Variants in RANBP2 observed in about 807,000 individuals in gnomAD.
RANBP2 encodes the protein RAN binding protein 2.
In RANBP2, 57 loss-of-function variants were observed where a neutral mutation model predicts 303.6. The observed-to-expected ratio is 0.19, with a 90% confidence interval of 0.15 to 0.23. The LOEUF is 0.23. Among genes scored for constraint, RANBP2 ranks in the 10% least tolerant of loss-of-function variants. The pLI is 1.00. For missense variants in RANBP2, 3,138 were observed against 3,780.8 expected (o/e 0.83, Z 4.46); for synonymous variants, 1,167 against 1,301.5 (o/e 0.90, Z 2.23).
chr2:109,609,437 A>G, the RANBP2 span, among the ~76,000 whole-genome samples: 3 of 152,134 alleles, frequency 2.0e-5, no homozygotes, highest in Non-Finnish European at 4.4e-5. Flanking sequence ...ACAAAAACAT[A>G]AATTAGGAGG....
chr2:109,335,245 C>G, the RANBP2 span, among the ~76,000 whole-genome samples: 1 of 152,236 alleles, frequency 6.6e-6, no homozygotes, highest in Non-Finnish European at 1.5e-5. Context: ...TGGGGCAAGG[C>G]CCCTCGCCCG....
chr2:109,130,785 G>A, the RANBP2 span, among the ~76,000 whole-genome samples: 1 of 152,018 alleles, frequency 6.6e-6, no homozygotes, highest in Non-Finnish European at 1.5e-5. Flanking sequence ...ATTATTTTTG[G>A]TACAGCCGCA....
the RANBP2 span, among the ~76,000 whole-genome samples, chr2:109,405,915 C>T: frequency 2.6e-5 from 4 of 152,246 alleles, no homozygotes; most frequent in Non-Finnish European, 5.9e-5. Flanking sequence ...AAGACAGCAC[C>T]GGCAGCATTC....
chr2:109,251,567 C>T, the RANBP2 span: 32 of 819,558 alleles, frequency 3.9e-5, no homozygotes, highest in Middle Eastern at 7.0e-4. Flanking sequence ...GTGGAGATGG[C>T]GACTGGTGGG....
intron 1 of RANBP2, among the ~76,000 whole-genome samples, chr2:108,726,388 C>CAG (rs1479706938): frequency 1.3e-5 from 2 of 150,656 alleles, no homozygotes; most frequent in African/African-American, 4.9e-5. Flanking sequence ...TTCACATATG[C>CAG]AGAGAGAAGC....
the RANBP2 span, among the ~76,000 whole-genome samples, chr2:109,304,301 T>A: frequency 6.6e-6 from 1 of 152,134 alleles, no homozygotes; most frequent in African/African-American, 2.4e-5. Context: ...TCTAGGAGAT[T>A]GACTTTTTAG....
chr2:109,635,254 C>T, the RANBP2 span, among the ~76,000 whole-genome samples: 1 of 152,310 alleles, frequency 6.6e-6, no homozygotes, highest in South Asian at 2.1e-4. Context: ...ACCATCTTGG[C>T]TCACTGCAAC....
chr2:109,390,248 C>T, the RANBP2 span, among the ~76,000 whole-genome samples: 1 of 152,150 alleles, frequency 6.6e-6, no homozygotes, highest in Non-Finnish European at 1.5e-5. Flanking sequence ...CCATAAACTA[C>T]CAGTTTATCT....
the RANBP2 span, among the ~76,000 whole-genome samples, chr2:109,108,386 T>C: frequency 6.6e-6 from 1 of 152,188 alleles, no homozygotes; most frequent in Non-Finnish European, 1.5e-5. Flanking sequence ...TATATTTAGG[T>C]GAACACATAG....
the RANBP2 span, chr2:108,791,884 A>G: frequency 2.2e-6 from 3 of 1,338,532 alleles, no homozygotes; most frequent in African/African-American, 1.5e-5. Flanking sequence ...TAGTAATAAC[A>G]CTGGCCCCCA....
At chr2:109,660,175 C>T in the RANBP2 span, among the ~76,000 whole-genome samples, 3 of 152,318 alleles carry the variant, frequency 2.0e-5, no homozygotes, top group African/African-American at 7.2e-5. Context: ...TCTGATTTTT[C>T]CCTTCCTGCA....
chr2:109,092,666 C>G, the RANBP2 span, among the ~76,000 whole-genome samples: 1 of 152,140 alleles, frequency 6.6e-6, no homozygotes, highest in African/African-American at 2.4e-5. Context: ...ACCTGGAAAC[C>G]TGGTATGCCA....
At position 108,758,703 on chromosome 2, in the gene RANBP2, T is replaced by TA. The variant is rs529436927; in HGVS notation, c.2602+156dup. 3.4e-3 allele frequency among the ~76,000 whole-genome samples: 504 copies of TA among 150,332 alleles called. 2 individuals carry two copies. Among genetic ancestry groups the TA allele is most frequent in the African/African-American group, 0.012 (475 of 40,548 alleles). On this transcript the variant is annotated intron_variant, in intron 18 of 28. Coordinates refer to ENST00000283195, the MANE Select transcript of RANBP2 (RefSeq NM_006267.5). ...TGACTTCAAAAGCTGTATTTGGTGTTACGGAGATTTTTATAATCCCAAGCA... is the reference window on the plus strand; with the variant it reads ...TGACTTCAAAAGCTGTATTTGGTGTTAACGGAGATTTTTATAATCCCAAGCA...
chr2:109,137,140 C>G, the RANBP2 span, among the ~76,000 whole-genome samples: 1 of 152,174 alleles, frequency 6.6e-6, no homozygotes, highest in African/African-American at 2.4e-5. Flanking sequence ...GTGTCTATAT[C>G]TTTTTATTCT....
the RANBP2 span, among the ~76,000 whole-genome samples, chr2:109,566,842 AG>A: frequency 3.3e-5 from 5 of 152,180 alleles, no homozygotes; most frequent in Non-Finnish European, 5.9e-5. Flanking sequence ...GGATTAATAC[AG>A]GGGAAAAGTC....
At chr2:109,398,989 T>C in the RANBP2 span, 4 of 1,541,432 alleles carry the variant, frequency 2.6e-6, no homozygotes, top group Non-Finnish European at 3.5e-6. Flanking sequence ...TTCTCTGGGG[T>C]TCTATCCTCA....
the RANBP2 span, chr2:109,129,948 C>T: frequency 6.8e-7 from 1 of 1,469,838 alleles, no homozygotes; most frequent in South Asian, 1.3e-5. Context: ...GCAGCCCGCC[C>T]GCGCGTCCCA....
chr2:109,127,044 C>A, the RANBP2 span, among the ~76,000 whole-genome samples: 1 of 152,218 alleles, frequency 6.6e-6, no homozygotes, highest in Non-Finnish European at 1.5e-5. Context: ...GGTGTGTGCC[C>A]TTCCTTCGGC....
the RANBP2 span, among the ~76,000 whole-genome samples, chr2:109,112,801 A>G: frequency 6.6e-6 from 1 of 152,272 alleles, no homozygotes; most frequent in Non-Finnish European, 1.5e-5. Context: ...ATCTTGAATT[A>G]ATTTTTGTAA....
Sources: allele counts gnomAD v4.1 joint callset (sites outside exome capture counted in the v4.1 genomes callset), GRCh38; gene constraint gnomAD v4.1.1; transcripts MANE v1.5; gene names NCBI Gene and HGNC (gene_info 2026-07-23, HGNC 2026-07-21).